CHST11: variants seen among roughly 807,000 people sequenced by gnomAD.
The protein encoded by CHST11 is C4S-1.
Under a neutral mutation model 30.4 loss-of-function variants are expected in CHST11, and 9 were observed. The observed-to-expected ratio is 0.30, with a 90% confidence interval of 0.18 to 0.52. CHST11 has a LOEUF of 0.52. CHST11 is among the 20% of genes least tolerant of loss of function. CHST11 has a pLI of 0.97. For missense variants in CHST11, 348 were observed against 460.6 expected, an observed-to-expected ratio of 0.76 and a Z score of 2.24; for synonymous variants, 152 against 187.8, an observed-to-expected ratio of 0.81 and a Z score of 1.56.
At position 104,457,234 on chromosome 12, in the gene CHST11, C is replaced by T. The variant is rs1327903718; in HGVS notation, c.-178C>T. ...TCCAGACCAACTCCGGCACCTTCCA[C>T]ACCCCTGCCCGGGCTGGGGGCTCCG... is the stretch of plus-strand genomic sequence containing the variant. On this transcript the variant is annotated 5_prime_UTR_variant, in exon 1 of 3. Transcript: ENST00000303694. The T allele has an allele frequency of 1.8e-5, 10 of 566,104 alleles. No homozygotes were observed. The highest frequency in any genetic ancestry group is 6.6e-5 in the South Asian group (3 of 45,758). 35.1% of individuals were successfully genotyped at this position (566,104 alleles called of 1,614,324 possible).
In CHST11 at chr12:104,521,648, G is replaced by T. The variant is rs369277521; in HGVS notation, c.118+64119G>T. Among the ~76,000 whole-genome samples, 42 of 152,278 alleles carry T rather than the reference G, an allele frequency of 2.8e-4. 1 individual carries two copies. The South Asian group carries it at 8.5e-3, about 31-fold the overall frequency. ...ACATCCTGGGAAGAAATGGTATCCT[G>T]CTAAGAGAATGAGGGCTGGATGGAG... On this transcript the variant is annotated intron_variant, in intron 1 of 2. Coordinates refer to ENST00000303694, the MANE Select transcript of CHST11 (RefSeq NM_018413.6).
At chr12:104,581,059 G>T (rs1431010143) in intron 1 of CHST11, among the ~76,000 whole-genome samples, 1 of 152,206 alleles carries the variant, frequency 6.6e-6, no homozygotes. Context: ...TGGCCCTCCT[G>T]TTCTGTCCTG....
At chr12:104,580,617 G>A (rs1030455785) in intron 1 of CHST11, among the ~76,000 whole-genome samples, 1 of 152,178 alleles carries the variant, frequency 6.6e-6, no homozygotes, top group Non-Finnish European at 1.5e-5. Flanking sequence ...AAGCTTCCTG[G>A]AAGTTTGGGA....
In CHST11 at chr12:104,565,258, A is replaced by ATTTTT. The variant is rs66825272; in HGVS notation, c.119-36627_119-36623dup. ...CTGGGCAGCCTCCATGTTTTCTAGGATTTTTTTTTTTTTTTTTTTTTTTTT... is the reference window on the plus strand; with the variant it reads ...CTGGGCAGCCTCCATGTTTTCTAGGATTTTTTTTTTTTTTTTTTTTTTTTTTTTTT... On this transcript the variant is annotated intron_variant, in intron 1 of 2. Transcript: ENST00000303694. Among the ~76,000 whole-genome samples, 484 of 72,926 alleles carry ATTTTT rather than the reference A, an allele frequency of 6.6e-3. 13 individuals carry two copies. Among genetic ancestry groups the ATTTTT allele is most frequent in the African/African-American group, 0.024 (410 of 17,028 alleles). The allele number at this position is 72,926 out of a possible 152,430, so 47.8% of individuals were successfully genotyped here. A position where few individuals can be genotyped will look rare whatever the true frequency, so the allele number is the denominator to read the frequency against.
At chr12:104,512,643 T>C (rs1453006348) in intron 1 of CHST11, among the ~76,000 whole-genome samples, 1 of 151,988 alleles carries the variant, frequency 6.6e-6, no homozygotes, top group Non-Finnish European at 1.5e-5. Flanking sequence ...GTAGAGGGAG[T>C]TTCTCCAGAA....
At chr12:104,681,825 C>CTTTT (rs149441295) in intron 2 of CHST11, among the ~76,000 whole-genome samples, 58 of 85,078 alleles carry the variant, frequency 6.8e-4, no homozygotes, top group Middle Eastern at 0.01. Flanking sequence ...GTCTGTTTTG[C>CTTTT]TTTTTTTTTT....
intron 1 of CHST11, among the ~76,000 whole-genome samples, chr12:104,489,792 G>A (rs1486495171): frequency 6.6e-6 from 1 of 152,196 alleles, no homozygotes; most frequent in Non-Finnish European, 1.5e-5. Flanking sequence ...CATGAATTTA[G>A]GGGAGGGGAG....
intron 1 of CHST11, among the ~76,000 whole-genome samples, chr12:104,489,035 C>A (rs74980565): frequency 2.6e-5 from 4 of 151,784 alleles, no homozygotes; most frequent in African/African-American, 9.7e-5. Context: ...CTTCTTCTTC[C>A]TCTTTTTTTT....
chr12:104,665,068 C>T (rs2039630432), intron 2 of CHST11, among the ~76,000 whole-genome samples: 2 of 152,192 alleles, frequency 1.3e-5, no homozygotes, highest in Non-Finnish European at 2.9e-5. Context: ...ACTCCATAAA[C>T]TTTCATCATC....
chr12:104,602,317 C>A, intron 2 of CHST11: 1 of 372,688 alleles, frequency 2.7e-6, no homozygotes, highest in South Asian at 5.5e-5. Flanking sequence ...GCAGTCTTCC[C>A]TTTGGTATCC....
At chr12:104,652,037 A>G (rs1218670255) in intron 2 of CHST11, among the ~76,000 whole-genome samples, 3 of 152,202 alleles carry the variant, frequency 2.0e-5, no homozygotes, top group Non-Finnish European at 2.9e-5. Flanking sequence ...GAGCAGGGAT[A>G]ATTATACCCA....
intron 1 of CHST11, among the ~76,000 whole-genome samples, chr12:104,572,629 C>T (rs527324762): frequency 8.5e-5 from 13 of 152,072 alleles, no homozygotes; most frequent in Admixed American, 6.5e-4. Context: ...GTCTTGGTAG[C>T]AGTCTATCAA....
intron 2 of CHST11, among the ~76,000 whole-genome samples, chr12:104,687,773 C>G (rs1330019443): frequency 6.6e-6 from 1 of 151,680 alleles, no homozygotes; most frequent in East Asian, 2.0e-4. Context: ...AACAGCGGCC[C>G]CCGCCCCCCC....
At chr12:104,704,187 G>A (rs1295008019) in intron 2 of CHST11, among the ~76,000 whole-genome samples, 2 of 152,160 alleles carry the variant, frequency 1.3e-5, no homozygotes, top group Admixed American at 6.5e-5. Flanking sequence ...CCGTCACTTC[G>A]ATATATTCTG....
intron 2 of CHST11, among the ~76,000 whole-genome samples, chr12:104,633,525 G>A (rs1167222511): frequency 1.4e-5 from 2 of 146,784 alleles, no homozygotes; most frequent in Admixed American, 7.0e-5. Context: ...GGCAATTCTC[G>A]TACCTCAGCC....
chr12:104,715,484 C>T (rs998743016), intron 2 of CHST11, among the ~76,000 whole-genome samples: 6 of 152,230 alleles, frequency 3.9e-5, no homozygotes, highest in South Asian at 2.1e-4. Context: ...TATTAAGTGC[C>T]GGCTGCCAAG....
chr12:104,696,901 G>T (rs2039952080), intron 2 of CHST11, among the ~76,000 whole-genome samples: 1 of 152,118 alleles, frequency 6.6e-6, no homozygotes, highest in African/African-American at 2.4e-5. Context: ...TCTTCAATTT[G>T]CCTGTTCTGT....
chr12:104,509,220 C>T (rs932335348), intron 1 of CHST11, among the ~76,000 whole-genome samples: 4 of 152,130 alleles, frequency 2.6e-5, no homozygotes, highest in African/African-American at 4.8e-5. Flanking sequence ...GTTTCCCTGC[C>T]CAATCTCTCT....
intron 2 of CHST11, among the ~76,000 whole-genome samples, chr12:104,669,717 A>C (rs924962482): frequency 6.6e-6 from 1 of 152,286 alleles, no homozygotes; most frequent in East Asian, 1.9e-4. Flanking sequence ...GACCCTGGAC[A>C]CCGTTCTCAG....
Sources: gnomAD v4.1 joint callset for allele counts (sites outside exome capture counted in the v4.1 genomes callset) on GRCh38, gnomAD v4.1.1 for gene constraint, MANE v1.5 for transcripts, NCBI Gene and HGNC (gene_info 2026-07-23, HGNC 2026-07-21) for gene names.